Variants in ITGA1 observed in about 807,000 individuals in gnomAD.
ITGA1 encodes integrin alpha-1.
Under a neutral mutation model 145.9 loss-of-function variants are expected in ITGA1, and 85 were observed. The observed-to-expected ratio is 0.58, with a 90% confidence interval of 0.49 to 0.70. ITGA1 has a LOEUF of 0.70. Ranked by LOEUF, ITGA1 falls within the 30% of genes least tolerant of loss-of-function variation. The probability of loss-of-function intolerance (pLI) is 0.00; values close to 1 mark genes in which losing one functional copy is unlikely to be tolerated. For missense variants in ITGA1, 1,351 were observed against 1,418.7 expected, an observed-to-expected ratio of 0.95 and a Z score of 0.77; for synonymous variants, 520 against 495.3, an observed-to-expected ratio of 1.05 and a Z score of -0.66.
At chr5:52,870,637 G>A (rs1184832412) in intron 6 of ITGA1, among the ~76,000 whole-genome samples, 1 of 152,182 alleles carries the variant, frequency 6.6e-6, no homozygotes. Context: ...AGGGAAGTCG[G>A]AGCAGAGGTC....
chr5:52,951,158 AT>A (rs1276550592), intron 28 of ITGA1, among the ~76,000 whole-genome samples: 2 of 152,144 alleles, frequency 1.3e-5, no homozygotes, highest in East Asian at 3.9e-4. Flanking sequence ...TTTAATAATT[AT>A]TTTATAAACA....
chr5:52,932,098 T>C lies in ITGA1; in HGVS notation c.2823T>C (p.Ser941=), dbSNP rs1246168421. ...ETLSDNVVNI[S]IPVKYEVGLQ... Reference sequence around the variant, plus strand: ...TTTCTGATAATGTAGTAAACATTTCTATCCCGGTAAAATATGAAGTTGGAC... The same window carrying C: ...TTTCTGATAATGTAGTAAACATTTCCATCCCGGTAAAATATGAAGTTGGAC... Residue 941 remains serine (S), a synonymous_variant, in exon 22 of 29, where the codon TCT becomes TCC. Coordinates refer to ENST00000282588, the MANE Select transcript of ITGA1 (RefSeq NM_181501.2). The C allele has an allele frequency of 6.2e-7, 1 of 1,610,978 alleles. No homozygotes were observed. Among genetic ancestry groups the C allele is most frequent in the Admixed American group, 1.7e-5 (1 of 59,916 alleles).
intron 12 of ITGA1, among the ~76,000 whole-genome samples, chr5:52,907,504 G>A (rs1750430501): frequency 6.6e-6 from 1 of 152,170 alleles, no homozygotes; most frequent in Non-Finnish European, 1.5e-5. Flanking sequence ...TATCATGAAT[G>A]ATTTAAATCG....
Position 52,918,809 on chromosome 5 carries a change from A to G in ITGA1, c.2066A>G (p.His689Arg), listed in dbSNP as rs1750688110. ...GTGAATATTCAAAAGAAAAACTGCC[A>G]TATGGAGGGAAAGGAAACAGTATGC... ...NKVNIQKKNC[H>R]MEGKETVCIN... The change falls in exon 16 of 29, where the codon CAT (histidine) becomes CGT (arginine). Residue 689 changes from histidine to arginine, a missense_variant. Coordinates refer to ENST00000282588, the MANE Select transcript of ITGA1 (RefSeq NM_181501.2). 1.2e-6 allele frequency: 2 copies of G among 1,612,918 alleles called. No individual in the cohort carries two copies. The highest frequency in any genetic ancestry group is 1.7e-6 in the Non-Finnish European group (2 of 1,179,398).
intron 11 of ITGA1, among the ~76,000 whole-genome samples, chr5:52,901,197 T>C (rs1750308888): frequency 6.6e-6 from 1 of 152,134 alleles, no homozygotes; most frequent in South Asian, 2.1e-4. Context: ...TGCAGTGTTG[T>C]TGGCTTTAAA....
chr5:52,799,871 C>T (rs1748419152), intron 1 of ITGA1: 1 of 164,276 alleles, frequency 6.1e-6, no homozygotes, highest in African/African-American at 2.4e-5. Flanking sequence ...ACACACTCCC[C>T]GGATTCTTCA....
At chr5:52,906,832 C>G (rs371813579) in intron 12 of ITGA1, among the ~76,000 whole-genome samples, 1 of 152,124 alleles carries the variant, frequency 6.6e-6, no homozygotes, top group Non-Finnish European at 1.5e-5. Flanking sequence ...TGCAGCCCAG[C>G]GCAGCAGTAA....
chr5:52,837,585 T>C (rs2111732798), intron 1 of ITGA1, among the ~76,000 whole-genome samples: 1 of 152,248 alleles, frequency 6.6e-6, no homozygotes, highest in South Asian at 2.1e-4. Flanking sequence ...AACAAATACT[T>C]AGTCACTAGT....
At chr5:52,802,141 G>GC (rs1748502339) in intron 1 of ITGA1, 1 of 264,114 alleles carries the variant, frequency 3.8e-6, no homozygotes, top group African/African-American at 2.2e-5. Flanking sequence ...CGATGCCTAT[G>GC]CAGTATATTG....
At chr5:52,800,260 C>T in intron 1 of ITGA1, 1 of 840,106 alleles carries the variant, frequency 1.2e-6, no homozygotes, top group East Asian at 2.6e-5. Flanking sequence ...AAGCGTGTTT[C>T]CTTCCCGCCA....
intron 6 of ITGA1, among the ~76,000 whole-genome samples, chr5:52,876,586 C>T (rs1257500986): frequency 6.6e-6 from 1 of 152,086 alleles, no homozygotes; most frequent in Admixed American, 6.6e-5. Flanking sequence ...TATTTCCCTG[C>T]TATCTCGGTT....
chr5:52,849,509 G>A lies in ITGA1; in HGVS notation c.182+24G>A, dbSNP rs141004541. 8.9e-4 allele frequency: 1,383 copies of A among 1,560,504 alleles called. 12 individuals carry two copies. In the African/African-American group the frequency reaches 0.017, roughly 19 times the overall value. ...TGGTAAGCCAGTGGGTTTTGTTGTT[G>A]TTATTTACTTATTTCACAAGGTAAT... On this transcript the variant is annotated intron_variant, in intron 2 of 28. Coordinates refer to ENST00000282588, the MANE Select transcript of ITGA1 (RefSeq NM_181501.2).
intron 1 of ITGA1, among the ~76,000 whole-genome samples, chr5:52,817,706 T>G (rs1324477265): frequency 6.6e-6 from 1 of 152,348 alleles, no homozygotes; most frequent in East Asian, 1.9e-4. Context: ...ACCCTATTTC[T>G]TGCCTTTGAT....
chr5:52,802,113 AATGTG>A (rs1279396411), intron 1 of ITGA1: 3 of 332,890 alleles, frequency 9.0e-6, no homozygotes, highest in African/African-American at 6.4e-5. Flanking sequence ...GGAAACAGAA[AATGTG>A]TGTATTTAAA....
intron 28 of ITGA1, among the ~76,000 whole-genome samples, chr5:52,948,170 C>T (rs1168418118): frequency 6.6e-6 from 1 of 152,126 alleles, no homozygotes; most frequent in African/African-American, 2.4e-5. Context: ...GTATAATTTT[C>T]ACATTAAGTA....
At chr5:52,809,941 C>T (rs1229910299) in intron 1 of ITGA1, among the ~76,000 whole-genome samples, 2 of 152,134 alleles carry the variant, frequency 1.3e-5, no homozygotes, top group Admixed American at 6.5e-5. Flanking sequence ...TTACCTCCTA[C>T]CCTCATAAGA....
At chr5:52,883,098 G>T (rs1308551442) in intron 7 of ITGA1, among the ~76,000 whole-genome samples, 1 of 152,092 alleles carries the variant, frequency 6.6e-6, no homozygotes, top group African/African-American at 2.4e-5. Context: ...GGAGGTAATT[G>T]GACATTTACC....
chr5:52,832,565 C>T (rs1385680732), intron 1 of ITGA1, among the ~76,000 whole-genome samples: 1 of 152,114 alleles, frequency 6.6e-6, no homozygotes, highest in African/African-American at 2.4e-5. Flanking sequence ...TAATTCTACA[C>T]AAGTTCTTCT....
chr5:52,864,846 T>C lies in ITGA1; in HGVS notation c.379T>C (p.Phe127Leu), dbSNP rs761922422. Residue 127 changes from phenylalanine to leucine, a missense_variant, in exon 4 of 29, where the codon TTT (phenylalanine) becomes CTT (leucine). Coordinates refer to ENST00000282588, the MANE Select transcript of ITGA1 (RefSeq NM_181501.2). The stretch of plus-strand genomic sequence containing the variant: ...TTTAGTCACCAACCCAAATGGAGGA[T>C]TTCTGGTAAGAATGGAGAGAATGAT... ...STLVTNPNGGFLACGPLYAYR... is the reference protein window; with the variant it reads ...STLVTNPNGGLLACGPLYAYR... The C allele has an allele frequency of 6.2e-7, 1 of 1,605,510 alleles. No individual in the cohort carries two copies. Among genetic ancestry groups the C allele is most frequent in the Non-Finnish European group, 8.5e-7 (1 of 1,172,514 alleles).
Sources: allele counts gnomAD v4.1 joint callset (sites outside exome capture counted in the v4.1 genomes callset), GRCh38; gene constraint gnomAD v4.1.1; transcripts MANE v1.5; gene names NCBI Gene and HGNC (gene_info 2026-07-23, HGNC 2026-07-21).